The following POLR3F variants were observed in gnomAD, a reference collection of about 807,000 sequenced individuals.
The protein encoded by POLR3F is DNA-directed RNA polymerase III subunit RPC6.
Under a neutral mutation model 43.6 loss-of-function variants are expected in POLR3F, and 31 were observed. The ratio of observed to expected loss-of-function variants is 0.71; its 90% CI spans 0.53 to 0.96. The LOEUF is 0.96. Among genes scored for constraint, POLR3F ranks in the 40% least tolerant of loss-of-function variants. The probability of loss-of-function intolerance (pLI) is 0.00; values close to 1 mark genes in which losing one functional copy is unlikely to be tolerated. For synonymous variants in POLR3F, 114 were observed against 132.5 expected, an observed-to-expected ratio of 0.86 and a Z score of 0.96; for missense variants, 316 against 391.7, an observed-to-expected ratio of 0.81 and a Z score of 1.63.
In POLR3F at chr20:18,476,427, C is replaced by T. The variant is rs564415657; in HGVS notation, c.429+1240C>T. 8.5e-5 allele frequency among the ~76,000 whole-genome samples: 13 copies of T among 152,276 alleles called. 1 individual carries two copies. The South Asian group carries it at 2.7e-3, about 32-fold the overall frequency. ...AGATTTATCCATATTGTGCTTTATTCCTTCTTATTGCCAATTAAAATTCCA... is the reference window on the plus strand; with the variant it reads ...AGATTTATCCATATTGTGCTTTATTTCTTCTTATTGCCAATTAAAATTCCA... On this transcript the variant is annotated intron_variant, in intron 5 of 8. Transcript: ENST00000377603.
At chr20:18,474,908 C>G (rs1277945322) in intron 4 of POLR3F, among the ~76,000 whole-genome samples, 167 bp from the exon 5 acceptor site, 2 of 152,150 alleles carry the variant, frequency 1.3e-5, no homozygotes, top group South Asian at 2.1e-4. Context: ...ATAAGTCTTA[C>G]AAAGCATTAT....
Position 18,480,177 on chromosome 20 carries a change from C to T in POLR3F, c.569C>T (p.Ser190Phe). ...CAACAGTGTTTTAAATTCCTACAGTCCAAGGTGAGGTATGATTGAGGAAAC... is the reference window on the plus strand; with the variant it reads ...CAACAGTGTTTTAAATTCCTACAGTTCAAGGTGAGGTATGATTGAGGAAAC... ...LNQQCFKFLQ[S>F]KAETARESKQ... Residue 190 changes from serine to phenylalanine, a missense_variant, in exon 6 of 9, where the codon TCC becomes TTC. Physicochemically the swap from Ser to Phe is radical, Grantham distance 155 (BLOSUM62 -2). Coordinates refer to ENST00000377603, the MANE Select transcript of POLR3F (RefSeq NM_006466.4). 6.2e-7 allele frequency: 1 copy of T among 1,610,626 alleles called. No homozygotes were observed. The highest frequency in any genetic ancestry group is 8.5e-7 in the Non-Finnish European group (1 of 1,177,778).
rs773989430 is a variant in POLR3F, at chr20:18,479,992, A to C, written c.430-46A>C. On this transcript the variant is annotated intron_variant, in intron 5 of 8. Coordinates refer to ENST00000377603, the MANE Select transcript of POLR3F (RefSeq NM_006466.4). ...AAAATATAGGTGTTTTTGTTTTTGGAAATTGTTATCTTATAAACACATGAA... is the reference window on the plus strand; with the variant it reads ...AAAATATAGGTGTTTTTGTTTTTGGCAATTGTTATCTTATAAACACATGAA... 8.9e-5 allele frequency: 132 copies of C among 1,484,390 alleles called. 1 individual carries two copies. The highest frequency in any genetic ancestry group is 1.0e-4 in the Non-Finnish European group (114 of 1,099,784). The allele number at this position is 1,484,390 out of a possible 1,614,324, so 92.0% of individuals were successfully genotyped here.
chr20:18,481,900 A>G, intron 8 of POLR3F, 90 bp downstream of exon 8: 1 of 786,238 alleles, frequency 1.3e-6, no homozygotes, highest in East Asian at 2.5e-5. Context: ...CAGTTTTCTC[A>G]GACTCTTAGG....
intron 5 of POLR3F, 116 bp downstream of exon 5, chr20:18,475,303 G>A (rs781353000): frequency 2.0e-4 from 109 of 533,996 alleles, no homozygotes; most frequent in Non-Finnish European, 3.5e-4. Context: ...TTTAGCTCAT[G>A]TTGGATTGGT....
Position 18,472,875 on chromosome 20 carries a change from CT to C in POLR3F, c.218del (p.Leu73TyrfsTer4). On this transcript the variant is annotated frameshift_variant, in exon 3 of 9. Transcript: ENST00000377603. LOFTEE classifies it high-confidence loss of function. ...QLDLLRSNTGLLYRIKDSQNA... is the reference protein window; with the variant it reads ...QLDLLRSNTGXLYRIKDSQNA... ...GGATCTCTTAAGGAGCAATACGGGC[CT>C]TTTATATAGAATAAAGGACTCTCAG... The C allele has an allele frequency of 1.3e-6, 2 of 1,515,008 alleles. No individual in the cohort carries two copies. Among genetic ancestry groups the C allele is most frequent in the Non-Finnish European group, 1.8e-6 (2 of 1,103,144 alleles). 93.8% of individuals were successfully genotyped at this position (1,515,008 alleles called of 1,614,324 possible). A position where few individuals can be genotyped will look rare whatever the true frequency, so the allele number is the denominator to read the frequency against.
At chr20:18,469,267 ATGGGTCCAGT>A (rs2059734463) in intron 2 of POLR3F, 1 of 532,786 alleles carries the variant, frequency 1.9e-6, no homozygotes, top group Non-Finnish European at 3.4e-6. Context: ...TAAAGTAGAT[ATGGGTCCAGT>A]TGGGTGAGCA....
rs546312526 is a variant in POLR3F, at chr20:18,480,700, G to A, written c.681+191G>A. Among the ~76,000 whole-genome samples, 13 of 152,164 alleles carry A rather than the reference G, an allele frequency of 8.5e-5. No individual in the cohort carries two copies. The South Asian group carries it at 2.7e-3, about 32-fold the overall frequency. ...CAGTCACTGCCATTGGGCATTGTCT[G>A]AACTGATACTCAGCTTGGGACACTG... On this transcript the variant is annotated intron_variant, in intron 7 of 8. Transcript: ENST00000377603.
intron 8 of POLR3F, among the ~76,000 whole-genome samples, 177 bp downstream of exon 8, chr20:18,481,987 T>G (rs1439421303): frequency 7.2e-6 from 1 of 138,208 alleles, no homozygotes; most frequent in East Asian, 2.1e-4. Context: ...CCTTTACTTT[T>G]TTTTTTTTTT....
At chr20:18,473,328 G>A (rs1449807236) in intron 3 of POLR3F, 63 bp from the exon 4 acceptor site, 1 of 720,542 alleles carries the variant, frequency 1.4e-6, no homozygotes, top group Non-Finnish European at 2.5e-6. Context: ...TTTAAGTAGT[G>A]ATGTAGATTA....
chr20:18,479,675 G>A (rs1302212495), intron 5 of POLR3F, among the ~76,000 whole-genome samples: 1 of 152,144 alleles, frequency 6.6e-6, no homozygotes, highest in Admixed American at 6.5e-5. Flanking sequence ...AGTCCATAGT[G>A]ATAGAAATAC....
At chr20:18,469,863 C>A (rs2059738660) in intron 2 of POLR3F, among the ~76,000 whole-genome samples, 1 of 152,172 alleles carries the variant, frequency 6.6e-6, no homozygotes, top group African/African-American at 2.4e-5. Context: ...TATTCCACCC[C>A]CCGATTTTCC....
intron 5 of POLR3F, among the ~76,000 whole-genome samples, chr20:18,478,512 C>T (rs1362403286): frequency 3.9e-5 from 6 of 152,166 alleles, no homozygotes; most frequent in African/African-American, 1.4e-4. Flanking sequence ...CCATGCCTGG[C>T]CCAAATTCTT....
intron 3 of POLR3F, chr20:18,473,133 C>A: frequency 3.0e-6 from 1 of 333,456 alleles, no homozygotes; most frequent in Non-Finnish European, 5.5e-6. Context: ...TATATATAAT[C>A]TTTCTCTTTT....
At chr20:18,478,676 G>A (rs1010838630) in intron 5 of POLR3F, among the ~76,000 whole-genome samples, 1 of 152,104 alleles carries the variant, frequency 6.6e-6, no homozygotes, top group African/African-American at 2.4e-5. Context: ...AATATAGATG[G>A]TTATATTTAG....
chr20:18,483,958 T>C lies in POLR3F; in HGVS notation c.*400T>C, dbSNP rs776365282. ...AAGTTCTTCATTGGAAGTTTTTTTT[T>C]ATATCTGGTTCACTACCACCATTTT... On this transcript the variant is annotated 3_prime_UTR_variant, in exon 9 of 9. Coordinates refer to ENST00000377603, the MANE Select transcript of POLR3F (RefSeq NM_006466.4). The C allele has an allele frequency of 2.0e-4, 81 of 397,184 alleles. No homozygotes were observed. Among genetic ancestry groups the C allele is most frequent in the African/African-American group, 1.5e-3 (75 of 48,724 alleles). 24.6% of individuals were successfully genotyped at this position (397,184 alleles called of 1,614,324 possible).
At chr20:18,482,732 A>C in intron 8 of POLR3F, among the ~76,000 whole-genome samples, 1 of 152,186 alleles carries the variant, frequency 6.6e-6, no homozygotes, top group East Asian at 1.9e-4. Flanking sequence ...TTTATAGATG[A>C]GCCTGTGTGT....
At chr20:18,483,315 G>A (rs973768956) in intron 8 of POLR3F, among the ~76,000 whole-genome samples, 166 bp from the exon 9 acceptor site, 3 of 152,190 alleles carry the variant, frequency 2.0e-5, no homozygotes, top group Admixed American at 1.3e-4. Flanking sequence ...CAAAGTGCTG[G>A]GATTACAGGT....
chr20:18,481,086 A>G (rs1166100114), intron 7 of POLR3F, among the ~76,000 whole-genome samples: 1 of 152,228 alleles, frequency 6.6e-6, no homozygotes, highest in Non-Finnish European at 1.5e-5. Flanking sequence ...TAAAGATACC[A>G]GAAAGTGTCA....
Sources: allele counts gnomAD v4.1 joint callset (sites outside exome capture counted in the v4.1 genomes callset), GRCh38; gene constraint gnomAD v4.1.1; transcripts MANE v1.5; gene names NCBI Gene and HGNC (gene_info 2026-07-23, HGNC 2026-07-21).